Variants in SON observed in about 807,000 individuals in gnomAD.
The protein encoded by SON is protein SON.
In SON, 4 loss-of-function variants were observed where a neutral mutation model predicts 173.3. That is an observed-to-expected ratio of 0.02 (90% CI 0.01 to 0.05). The LOEUF (loss-of-function observed/expected upper bound fraction) is 0.05. Ranked by LOEUF, SON falls within the 10% of genes least tolerant of loss-of-function variation. The probability of loss-of-function intolerance (pLI) is 1.00; values close to 1 mark genes in which losing one functional copy is unlikely to be tolerated. For missense variants in SON, 2,626 were observed against 3,055.3 expected (o/e 0.86, Z 3.31); for synonymous variants, 1,190 against 1,105.9 (o/e 1.08, Z -1.51).
At chr21:33,575,747 A>T (rs373512084) in intron 10 of SON, 31 bp from the exon 11 acceptor site, 191 of 1,569,866 alleles carry the variant, frequency 1.2e-4, no homozygotes, top group Non-Finnish European at 1.6e-4. Context: ...GGTGGAAATA[A>T]TTTAAAACTG....
Position 33,554,479 on chromosome 21 carries a change from G to A in SON, c.5248G>A (p.Ala1750Thr), listed in dbSNP as rs774597720. The A allele has an allele frequency of 6.2e-7, 1 of 1,614,074 alleles. No homozygotes were observed. Among genetic ancestry groups the A allele is most frequent in the Non-Finnish European group, 8.5e-7 (1 of 1,180,046 alleles). Residue 1750 changes from alanine to threonine, a missense_variant, in exon 3 of 12, where the codon GCT (alanine) becomes ACT (threonine). Ala to Thr is a moderately conservative substitution (Grantham distance 58). This residue lies in a region of SON where 1,006 missense variants were observed against 895.6 expected (regional missense o/e 1.12). Transcript: ENST00000356577. Reference protein sequence around the residue: ...KDMERLTSLRAGIEGPLLASD... With the variant: ...KDMERLTSLRTGIEGPLLASD... ...CATGGAACGTCTTACAAGCCTTAGA[G>A]CTGGCATTGAAGGACCTTTACTTGC...
At chr21:33,566,856 G>A (rs1158278457) in intron 6 of SON, among the ~76,000 whole-genome samples, 1 of 152,084 alleles carries the variant, frequency 6.6e-6, no homozygotes, top group Non-Finnish European at 1.5e-5. Flanking sequence ...CGAGTTTTAA[G>A]TTCTTAATGG....
Position 33,557,207 on chromosome 21 carries a change from C to T in SON, c.6212C>T (p.Ala2071Val). Residue 2071 changes from alanine (A) to valine (V), a missense_variant, in exon 4 of 12, where the codon GCT becomes GTT. Ala to Val is a moderately conservative substitution (Grantham distance 64). Transcript: ENST00000356577. Reference sequence around the variant, plus strand: ...AAAGCTAATGCAGCTGCCATGTGTGCTAAGGCTGGTGTCCCTTTACCACCA... The same window carrying T: ...AAAGCTAATGCAGCTGCCATGTGTGTTAAGGCTGGTGTCCCTTTACCACCA... Reference protein sequence around the residue: ...IAKANAAAMCAKAGVPLPPNL... With the variant: ...IAKANAAAMCVKAGVPLPPNL... 6.2e-7 allele frequency: 1 copy of T among 1,613,096 alleles called. No homozygotes were observed. The highest frequency in any genetic ancestry group is 8.5e-7 in the Non-Finnish European group (1 of 1,179,848).
intron 8 of SON, chr21:33,571,802 A>C (rs960841922): frequency 8.5e-5 from 13 of 152,644 alleles, no homozygotes; most frequent in African/African-American, 2.9e-4. Context: ...AGTAAAAGAC[A>C]TTCTAGGTGT....
intron 8 of SON, chr21:33,572,768 GTT>G (rs78936304): frequency 4.9e-4 from 114 of 231,688 alleles, no homozygotes; most frequent in South Asian, 8.9e-4. Context: ...AATTTCAAGA[GTT>G]TTTTTTTTTT....
In SON at chr21:33,560,526, T is replaced by A. The variant is rs985412566; in HGVS notation, c.6657+751T>A. 8.0e-6 allele frequency: 8 copies of A among 996,492 alleles called. No individual in the cohort carries two copies. In the South Asian group the frequency reaches 3.6e-4, roughly 44 times the overall value. The allele number at this position is 996,492 out of a possible 1,614,324, so 61.7% of individuals were successfully genotyped here. ...CCCATTAAAATGCCGCCTGATTAAA[T>A]AATGTGCTGCTAAATATAGTGCACA... is the stretch of plus-strand genomic sequence containing the variant. On this transcript the variant is annotated intron_variant, in intron 6 of 11. Transcript: ENST00000356577.
rs1569051772 is a variant in SON, at chr21:33,550,299, A to G, written c.1068A>G (p.Thr356=). The change falls in exon 3 of 12, where the codon ACA becomes ACG. Residue 356 remains threonine, a synonymous_variant. Transcript: ENST00000356577. ...VPSEIADSSM[T]RPQELPELPK... ...CGGAGATTGCAGATTCATCCATGAC[A>G]AGACCGCAGGAGTTGCCGGAGCTGC... 6.2e-7 allele frequency: 1 copy of G among 1,614,100 alleles called. No homozygotes were observed. The highest frequency in any genetic ancestry group is 1.7e-5 in the Admixed American group (1 of 60,024).
chr21:33,549,877 G>C lies in SON; in HGVS notation c.646G>C (p.Val216Leu), dbSNP rs2085717236. The change falls in exon 3 of 12, where the codon GTT becomes CTT. Residue 216 changes from valine to leucine, a missense_variant. Val to Leu is a conservative substitution (Grantham distance 32, BLOSUM62 1). Around this residue, in one of 13 missense-constraint regions of SON, gnomAD observed 757 missense variants for 730.1 expected, o/e 1.04. Coordinates refer to ENST00000356577, the MANE Select transcript of SON (RefSeq NM_138927.4). The part of the protein sequence containing the change: ...KPATKTAELS[V>L]VSTSVISEQS... ...AGCTACAAAAACTGCAGAACTGTCA[G>C]TTGTATCTACATCAGTAATCTCAGA... The C allele has an allele frequency of 6.2e-7, 1 of 1,614,118 alleles. No homozygotes were observed.
At chr21:33,562,737 T>A (rs1209216995) in intron 6 of SON, among the ~76,000 whole-genome samples, 1 of 152,186 alleles carries the variant, frequency 6.6e-6, no homozygotes, top group East Asian at 1.9e-4. Context: ...TTATAAACAA[T>A]GAAATAAAAT....
intron 6 of SON, among the ~76,000 whole-genome samples, chr21:33,562,706 CTG>C (rs1315367929): frequency 2.6e-5 from 4 of 152,128 alleles, no homozygotes; most frequent in Non-Finnish European, 5.9e-5. Context: ...AGAACTTTGA[CTG>C]TATTTGTGTG....
chr21:33,557,497 G>A (rs1436002367), intron 4 of SON, 181 bp downstream of exon 4: 8 of 1,550,838 alleles, frequency 5.2e-6, no homozygotes, highest in Non-Finnish European at 7.0e-6. Flanking sequence ...ATCCGGGATG[G>A]CTAAGCTCCG....
At chr21:33,544,980 T>G (rs1274722629) in intron 1 of SON, among the ~76,000 whole-genome samples, 1 of 152,148 alleles carries the variant, frequency 6.6e-6, no homozygotes, top group Non-Finnish European at 1.5e-5. Flanking sequence ...TGCAAACAAG[T>G]TTTTGATTAT....
At chr21:33,570,288 G>A (rs1195346207) in intron 8 of SON, 1 of 152,190 alleles carries the variant, frequency 6.6e-6, no homozygotes, top group Non-Finnish European at 1.5e-5. Flanking sequence ...TGCTATGAGT[G>A]CCAGTGAATG....
At chr21:33,575,274 G>T (rs1187366932) in intron 9 of SON, among the ~76,000 whole-genome samples, 1 of 152,078 alleles carries the variant, frequency 6.6e-6, no homozygotes, top group Non-Finnish European at 1.5e-5. Context: ...GACCTCAGGA[G>T]ATCCACCCGC....
At position 33,551,335 on chromosome 21, in the gene SON, A is replaced by G. The variant is rs1442808713; in HGVS notation, c.2104A>G (p.Thr702Ala). The G allele has an allele frequency of 1.9e-6, 3 of 1,614,136 alleles. No individual in the cohort carries two copies. In the East Asian group the frequency reaches 6.7e-5, roughly 36 times the overall value. ...TACATTAGTGGGGGAGACTTCTGTA[A>G]CAGTAGGAGTGGATCCCTTGATGGC... is the stretch of plus-strand genomic sequence containing the variant. ...PTTLVGETSV[T>A]VGVDPLMAPE... The change falls in exon 3 of 12, where the codon ACA becomes GCA. Residue 702 changes from threonine to alanine, a missense_variant. By Grantham distance (58) the Thr-to-Ala change is moderately conservative. Coordinates refer to ENST00000356577, the MANE Select transcript of SON (RefSeq NM_138927.4).
chr21:33,544,640 TCA>T (rs1389687054), intron 1 of SON, among the ~76,000 whole-genome samples: 1 of 152,244 alleles, frequency 6.6e-6, no homozygotes, highest in Admixed American at 6.5e-5. Flanking sequence ...CCTCTCAGTC[TCA>T]GTCTTTTGGA....
In SON at chr21:33,559,088, A is replaced by C; in HGVS notation, c.6322-142A>C. ...GCCAGAGTGTGTTTAAATAGTAGTT[A>C]ATATGCCAAGTTACGTATCTATAAC... is the stretch of plus-strand genomic sequence containing the variant. On this transcript the variant is annotated intron_variant, in intron 4 of 11. Transcript: ENST00000356577. This position sits in a 1 kb window ranked among gnomAD's most constrained non-coding sequence, Gnocchi z 4.1. 1 of 597,808 alleles carries C rather than the reference A, an allele frequency of 1.7e-6. No homozygotes were observed. Among genetic ancestry groups the C allele is most frequent in the South Asian group, 2.7e-5 (1 of 36,530 alleles). The allele number at this position is 597,808 out of a possible 1,614,324, so 37.0% of individuals were successfully genotyped here. A position where few individuals can be genotyped will look rare whatever the true frequency, so the allele number is the denominator to read the frequency against.
At position 33,551,032 on chromosome 21, in the gene SON, A is replaced by C; in HGVS notation, c.1801A>C (p.Met601Leu). The change falls in exon 3 of 12, where the codon ATG (methionine) becomes CTG (leucine). Residue 601 changes from methionine to leucine, a missense_variant. Physicochemically the swap from Met to Leu is conservative, Grantham distance 15. Around this residue, in one of 13 missense-constraint regions of SON, gnomAD observed 757 missense variants for 730.1 expected, o/e 1.04. Coordinates refer to ENST00000356577, the MANE Select transcript of SON (RefSeq NM_138927.4). The part of the protein sequence containing the change: ...TGALELPGPL[M>L]AAGALEFSGQ... ...GGCACTAGAGTTGCCTGGGCCGCTCATGGCAGCTGGGGCACTGGAGTTCTC... is the reference window on the plus strand; with the variant it reads ...GGCACTAGAGTTGCCTGGGCCGCTCCTGGCAGCTGGGGCACTGGAGTTCTC... The C allele has an allele frequency of 6.2e-7, 1 of 1,609,896 alleles. No individual in the cohort carries two copies. Among genetic ancestry groups the C allele is most frequent in the Non-Finnish European group, 8.5e-7 (1 of 1,178,298 alleles).
At chr21:33,567,457 AT>A in intron 7 of SON, 190 bp downstream of exon 7, 1 of 575,098 alleles carries the variant, frequency 1.7e-6, no homozygotes, top group Non-Finnish European at 3.2e-6. Context: ...ATAAATGTTT[AT>A]TGTTTACTAT....
Sources: gnomAD v4.1 joint callset for allele counts (sites outside exome capture counted in the v4.1 genomes callset) on GRCh38, gnomAD v4.1.1 for gene constraint, gnomAD v4.1.1 regional missense constraint, Gnocchi (gnomAD v3.1) non-coding constraint, MANE v1.5 for transcripts, NCBI Gene and HGNC (gene_info 2026-07-23, HGNC 2026-07-21) for gene names.